CACNA1E: variants seen among roughly 807,000 people sequenced by gnomAD.
CACNA1E encodes the protein calcium voltage-gated channel subunit alpha1 E, also known as voltage-dependent R-type calcium channel subunit alpha-1E.
A neutral mutation model predicts 259.2 loss-of-function variants in CACNA1E; 40 were observed. The observed-to-expected ratio is 0.15, with a 90% confidence interval of 0.12 to 0.20. The LOEUF (loss-of-function observed/expected upper bound fraction) is 0.20. CACNA1E is among the 10% of genes least tolerant of loss of function. CACNA1E has a pLI of 1.00. For missense variants in CACNA1E, 1,874 were observed against 3,040.1 expected (o/e 0.62, Z 9.02); for synonymous variants, 1,104 against 1,138.5 (o/e 0.97, Z 0.61).
chr1:181,452,364 G>A (rs1002420023), intron 2 of CACNA1E, among the ~76,000 whole-genome samples: 6 of 152,198 alleles, frequency 3.9e-5, no homozygotes, highest in African/African-American at 1.4e-4. Context: ...GCCCAGAGAC[G>A]TTAGAAGTTA....
chr1:181,489,504 A>G (rs952885645), intron 1 of CACNA1E, among the ~76,000 whole-genome samples: 1 of 152,198 alleles, frequency 6.6e-6, no homozygotes, highest in African/African-American at 2.4e-5. Context: ...AACAGAAAGG[A>G]AGCTGGGGAG....
chr1:181,473,300 C>CCATT (rs780160147), intron 2 of CACNA1E, among the ~76,000 whole-genome samples: 68 of 152,250 alleles, frequency 4.5e-4, no homozygotes, highest in Non-Finnish European at 7.2e-4. Flanking sequence ...ATAGACTTAG[C>CCATT]CATTCATTGA....
chr1:181,456,774 T>C (rs969366006), intron 2 of CACNA1E, among the ~76,000 whole-genome samples: 1 of 152,200 alleles, frequency 6.6e-6, no homozygotes, highest in Non-Finnish European at 1.5e-5. Flanking sequence ...TCTCACTCTG[T>C]CTTTGGTATT....
At chr1:181,687,167 C>G (rs1650665484) in intron 7 of CACNA1E, among the ~76,000 whole-genome samples, 3 of 152,100 alleles carry the variant, frequency 2.0e-5, no homozygotes, top group Admixed American at 2.0e-4. Context: ...CAGATGGGAG[C>G]CGAGACCCTG....
At chr1:181,500,759 G>A (rs1665179047) in intron 1 of CACNA1E, among the ~76,000 whole-genome samples, 1 of 152,260 alleles carries the variant, frequency 6.6e-6, no homozygotes, top group African/African-American at 2.4e-5. Flanking sequence ...ATTATCTCAC[G>A]TGGTTTGCAG....
At chr1:181,621,948 C>T (rs1214431284) in intron 6 of CACNA1E, among the ~76,000 whole-genome samples, 1 of 152,142 alleles carries the variant, frequency 6.6e-6, no homozygotes, top group Non-Finnish European at 1.5e-5. Flanking sequence ...GAGTGCATCC[C>T]TTCCTCAAGG....
Position 181,473,542 on chromosome 1 carries a change from C to A in CACNA1E, c.435-10202C>A, listed in dbSNP as rs554669170. On this transcript the variant is annotated intron_variant, in intron 2 of 11. Transcript: ENST00000524607. ...CATTTGGTTTATCAGTAGCCCCATGCGATTCAGAGGGCAGGTACTACTTTT... is the reference window on the plus strand; with the variant it reads ...CATTTGGTTTATCAGTAGCCCCATGAGATTCAGAGGGCAGGTACTACTTTT... Among the ~76,000 whole-genome samples, 6 of 151,312 alleles carry A rather than the reference C, an allele frequency of 4.0e-5. No individual in the cohort carries two copies. In the South Asian group the frequency reaches 8.4e-4, roughly 21 times the overall value.
chr1:181,732,562 C>A lies in CACNA1E; in HGVS notation c.2476C>A (p.Leu826Ile), dbSNP rs1194673783. Residue 826 changes from leucine (L) to isoleucine (I), a missense_variant, in exon 20 of 48, where the codon CTT becomes ATT. Physicochemically the swap from Leu to Ile is conservative, Grantham distance 5 (BLOSUM62 2). Coordinates refer to ENST00000367573, the MANE Select transcript of CACNA1E (RefSeq NM_001205293.3). This position sits in a 1 kb window ranked among gnomAD's most constrained non-coding sequence, Gnocchi z 5.5. ...CAACCCGCTCAATGCCCACCCCAGC[C>A]TTTATCGGCGACCCAGGGCCATTGA... ...SLNPLNAHPS[L>I]YRRPRAIEGL... 3 of 1,541,672 alleles carry A rather than the reference C, an allele frequency of 1.9e-6. No individual in the cohort carries two copies. The African/African-American group carries it at 4.1e-5, about 21-fold the overall frequency.
intron 2 of CACNA1E, among the ~76,000 whole-genome samples, chr1:181,442,756 T>A (rs1374930958): frequency 6.6e-6 from 1 of 152,218 alleles, no homozygotes; most frequent in Non-Finnish European, 1.5e-5. Flanking sequence ...TTCCACATCC[T>A]GTCTCTTTCT....
intron 24 of CACNA1E, 63 bp downstream of exon 24, chr1:181,738,489 G>A (rs539989801): frequency 3.8e-6 from 5 of 1,315,412 alleles, no homozygotes; most frequent in African/African-American, 1.5e-5. Flanking sequence ...CTGCTCCTTA[G>A]GCTAGAGCCC....
At chr1:181,656,247 A>G (rs1659197033) in intron 7 of CACNA1E, among the ~76,000 whole-genome samples, 1 of 152,218 alleles carries the variant, frequency 6.6e-6, no homozygotes, top group Non-Finnish European at 1.5e-5. Context: ...CATTGTCATC[A>G]TAGGAGATGA....
chr1:181,493,788 C>T (rs551158184), intron 1 of CACNA1E, among the ~76,000 whole-genome samples: 180 of 152,310 alleles, frequency 1.2e-3, no homozygotes, highest in South Asian at 3.3e-3. Context: ...CAGGATGGCA[C>T]AAGCAGAGGG....
intron 1 of CACNA1E, among the ~76,000 whole-genome samples, chr1:181,327,168 G>A (rs753945649): frequency 6.6e-6 from 1 of 152,144 alleles, no homozygotes; most frequent in Non-Finnish European, 1.5e-5. Context: ...TAAGTTTACT[G>A]AATATATAAA....
chr1:181,446,019 C>T (rs1004517675), intron 2 of CACNA1E, among the ~76,000 whole-genome samples: 2 of 152,190 alleles, frequency 1.3e-5, no homozygotes, highest in South Asian at 2.1e-4. Flanking sequence ...GACTGTCACT[C>T]ATTCATCTTG....
intron 27 of CACNA1E, among the ~76,000 whole-genome samples, chr1:181,753,243 C>T (rs768116799): frequency 7.2e-5 from 11 of 152,222 alleles, no homozygotes; most frequent in Non-Finnish European, 1.6e-4. Context: ...GGTCATAGGC[C>T]ACCTGCATCA....
At chr1:181,792,639 A>AG (rs1360548438) in intron 44 of CACNA1E, among the ~76,000 whole-genome samples, 1 of 151,100 alleles carries the variant, frequency 6.6e-6, no homozygotes, top group African/African-American at 2.4e-5. Flanking sequence ...ACATAGGCTA[A>AG]GGTGGGGGTC....
At chr1:181,687,025 T>C (rs1650648134) in intron 7 of CACNA1E, among the ~76,000 whole-genome samples, 1 of 152,136 alleles carries the variant, frequency 6.6e-6, no homozygotes, top group Non-Finnish European at 1.5e-5. Flanking sequence ...AGAAATGTGA[T>C]TGATGTGATT....
chr1:181,334,027 A>C (rs1190217708), intron 1 of CACNA1E, among the ~76,000 whole-genome samples: 1 of 152,188 alleles, frequency 6.6e-6, no homozygotes, highest in African/African-American at 2.4e-5. Flanking sequence ...GGCTACTTCC[A>C]TTCTTTTTGA....
chr1:181,707,681 C>A (rs2102408280), intron 7 of CACNA1E, among the ~76,000 whole-genome samples: 1 of 152,246 alleles, frequency 6.6e-6, no homozygotes, highest in Middle Eastern at 3.4e-3. Flanking sequence ...TCCTAGTTCA[C>A]CTGCTCCCTT....
Sources: gnomAD v4.1 joint callset for allele counts (sites outside exome capture counted in the v4.1 genomes callset) on GRCh38, gnomAD v4.1.1 for gene constraint, Gnocchi (gnomAD v3.1) non-coding constraint, MANE v1.5 for transcripts, NCBI Gene and HGNC (gene_info 2026-07-23, HGNC 2026-07-21) for gene names.